Variants in ATP11C observed in about 807,000 individuals in gnomAD.
The protein encoded by ATP11C is phospholipid-transporting ATPase IG.
A neutral mutation model predicts 97.4 loss-of-function variants in ATP11C; 36 were observed. That is an observed-to-expected ratio of 0.37 (90% confidence interval 0.28 to 0.49). The LOEUF is 0.49. Ranked by LOEUF, ATP11C falls within the 20% of genes least tolerant of loss-of-function variation. The probability of loss-of-function intolerance (pLI) is 0.98; values close to 1 mark genes in which losing one functional copy is unlikely to be tolerated. For missense variants in ATP11C, 730 were observed against 824.6 expected, an observed-to-expected ratio of 0.89 and a Z score of 1.40; for synonymous variants, 275 against 290.9, an observed-to-expected ratio of 0.95 and a Z score of 0.56.
rs575559316 is a variant in ATP11C at position 139,837,293 on chromosome X, A to T, written c.28-10470T>A. ...AGAACCATTATAAGAATTTACAGCC[A>T]ACATTAAAAAATGCCTAGGAAGCTT... On this transcript the variant is annotated intron_variant, in intron 1 of 29. Transcript: ENST00000682941. 7.1e-5 allele frequency among the ~76,000 whole-genome samples: 8 copies of T among 112,363 alleles called. No homozygotes were observed. The South Asian group carries it at 2.9e-3, about 41-fold the overall frequency.
chrX:139,743,657 T>C (rs1213050810), intron 25 of ATP11C, 33 bp from the exon 26 acceptor site: 1 of 842,968 alleles, frequency 1.2e-6, no homozygotes, highest in East Asian at 3.3e-5. Context: ...ATGTACCATG[T>C]ATATACAAGT....
rs918998554 is a variant in ATP11C, at chrX:139,933,024, C to G, written c.-982G>C. 2 of 112,333 alleles carry G rather than the reference C, an allele frequency of 1.8e-5. No homozygotes were observed. Among genetic ancestry groups the G allele is most frequent in the Non-Finnish European group, 3.8e-5 (2 of 53,167 alleles). The allele number at this position is 112,333 out of a possible 1,213,427, so 9.3% of individuals were successfully genotyped here. ...ACCTAAGCCTTCTTACTTCCACTTT[C>G]TCTGAGGTTGTAAAGTCAGGCTTTG... On this transcript the variant is annotated 5_prime_UTR_variant, in exon 1 of 30. Coordinates refer to ENST00000682941, the MANE Select transcript of ATP11C (RefSeq NM_001353812.2).
At chrX:139,809,987 A>G (rs755396060) in intron 5 of ATP11C, among the ~76,000 whole-genome samples, 2 of 111,623 alleles carry the variant, frequency 1.8e-5, no homozygotes, top group Admixed American at 1.9e-4. Context: ...GTTAAATGGT[A>G]AAGTTTATTT....
chrX:139,900,060 G>A (rs2485729), intron 1 of ATP11C, among the ~76,000 whole-genome samples: 21,391 of 111,000 alleles, frequency 0.19, 3,537 homozygotes, highest in African/African-American at 0.53. Context: ...AACAGCCAAG[G>A]ATATGCACAT....
intron 1 of ATP11C, among the ~76,000 whole-genome samples, chrX:139,928,585 C>T (rs1179785141): frequency 1.8e-5 from 2 of 111,777 alleles, no homozygotes; most frequent in Non-Finnish European, 3.8e-5. Flanking sequence ...AAATTAGCTA[C>T]CTATTTCATT....
At chrX:139,761,350 A>T (rs929014823) in intron 22 of ATP11C, among the ~76,000 whole-genome samples, 2 of 111,997 alleles carry the variant, frequency 1.8e-5, no homozygotes, top group Non-Finnish European at 3.8e-5. Context: ...AATGTAGTGT[A>T]TAGTGTATAA....
intron 1 of ATP11C, among the ~76,000 whole-genome samples, chrX:139,919,444 A>AACACACACACACACACAC (rs370999462): frequency 6.8e-5 from 5 of 73,950 alleles, no homozygotes; most frequent in Non-Finnish European, 1.3e-4. Flanking sequence ...CTCAAACTTA[A>AACACACACACACACACAC]ACACACACAC....
intron 1 of ATP11C, among the ~76,000 whole-genome samples, chrX:139,928,288 A>G (rs1171439761): frequency 5.3e-5 from 6 of 112,163 alleles, no homozygotes; most frequent in Non-Finnish European, 1.1e-4. Context: ...TACACAGACC[A>G]TTTGTAATAG....
chrX:139,853,501 G>A (rs1380601790), intron 1 of ATP11C, among the ~76,000 whole-genome samples: 1 of 110,274 alleles, frequency 9.1e-6, no homozygotes, highest in Non-Finnish European at 1.9e-5. Flanking sequence ...AGATATACAA[G>A]TAGTTAAGAA....
intron 1 of ATP11C, among the ~76,000 whole-genome samples, chrX:139,847,177 G>A (rs1489380446): frequency 9.0e-6 from 1 of 111,039 alleles, no homozygotes; most frequent in Admixed American, 9.6e-5. Context: ...TTGAGCTCAG[G>A]AGTTCGAGAC....
At chrX:139,788,785 T>A (rs1342963360) in intron 13 of ATP11C, among the ~76,000 whole-genome samples, 6 of 112,291 alleles carry the variant, frequency 5.3e-5, no homozygotes, top group African/African-American at 1.9e-4. Flanking sequence ...AAAATTATGA[T>A]CATACAGACA....
intron 5 of ATP11C, among the ~76,000 whole-genome samples, chrX:139,811,644 G>A (rs182237641): frequency 5.6e-5 from 6 of 107,601 alleles, no homozygotes; most frequent in Admixed American, 4.0e-4. Flanking sequence ...AAAATATCCT[G>A]AATATATCCA....
At chrX:139,883,058 G>A (rs186057616) in intron 1 of ATP11C, among the ~76,000 whole-genome samples, 173 of 111,862 alleles carry the variant, frequency 1.5e-3, no homozygotes, top group Non-Finnish European at 2.7e-3. Flanking sequence ...CTAGCAGAAC[G>A]AAGGGTGGAC....
chrX:139,775,075 C>T (rs772811258), intron 18 of ATP11C, 122 bp from the exon 19 acceptor site: 40 of 711,774 alleles, frequency 5.6e-5, no homozygotes, highest in Non-Finnish European at 7.6e-5. Context: ...CACCTTATCA[C>T]GGTTGACTTT....
chrX:139,932,457 C>G lies in ATP11C; in HGVS notation c.-415G>C, dbSNP rs1204862293. ...TCTCCGCCAGCGCCGGGCTCGGCACCCCGCGGGATGCGCTCTTCCCCGACG... is the reference window on the plus strand; with the variant it reads ...TCTCCGCCAGCGCCGGGCTCGGCACGCCGCGGGATGCGCTCTTCCCCGACG... On this transcript the variant is annotated 5_prime_UTR_variant, in exon 1 of 30. Transcript: ENST00000682941. 9.1e-6 allele frequency: 1 copy of G among 110,136 alleles called. No individual in the cohort carries two copies. The highest frequency in any genetic ancestry group is 1.9e-5 in the Non-Finnish European group (1 of 52,196). 9.1% of individuals were successfully genotyped at this position (110,136 alleles called of 1,213,427 possible).
chrX:139,891,591 A>T (rs189068282), intron 1 of ATP11C, among the ~76,000 whole-genome samples: 46 of 111,523 alleles, frequency 4.1e-4, no homozygotes, highest in African/African-American at 1.2e-3. Flanking sequence ...TCTCACTCAC[A>T]CACACATGCA....
At chrX:139,869,886 C>CA (rs59723137) in intron 1 of ATP11C, among the ~76,000 whole-genome samples, 1,314 of 41,979 alleles carry the variant, frequency 0.031, 21 homozygotes, top group African/African-American at 0.068. Flanking sequence ...ACTAGACTGG[C>CA]AAAAAAAAAA....
In ATP11C at chrX:139,774,785, T is replaced by C. The variant is rs1420516408; in HGVS notation, c.2121A>G (p.Glu707=). 1 of 1,211,902 alleles carries C rather than the reference T, an allele frequency of 8.3e-7. No homozygotes were observed. ...LLELTTKTIE[E]SERKEDRLHE... is the part of the protein sequence containing the mutation. Reference sequence around the variant, plus strand: ...GTAATCGATCTTCTTTCCTTTCACTTTCTTCAATGGTTTTTGTGGTTAGTT... The same window carrying C: ...GTAATCGATCTTCTTTCCTTTCACTCTCTTCAATGGTTTTTGTGGTTAGTT... The change falls in exon 19 of 30, where the codon GAA becomes GAG. Residue 707 remains glutamate, a synonymous_variant. Transcript: ENST00000682941.
intron 2 of ATP11C, among the ~76,000 whole-genome samples, chrX:139,822,138 CAAT>C (rs1286686848): frequency 1.8e-5 from 2 of 112,163 alleles, no homozygotes; most frequent in South Asian, 3.6e-4. Flanking sequence ...TTTTTAGACA[CAAT>C]GATGAGAATT....
Sources: gnomAD v4.1 joint callset for allele counts (sites outside exome capture counted in the v4.1 genomes callset) on GRCh38, gnomAD v4.1.1 for gene constraint, MANE v1.5 for transcripts, NCBI Gene and HGNC (gene_info 2026-07-23, HGNC 2026-07-21) for gene names.